Variants in FHIP2A observed in about 807,000 individuals in gnomAD.
FHIP2A encodes family with sequence similarity 160 member B1.
A neutral mutation model predicts 93.5 loss-of-function variants in FHIP2A; 46 were observed. That is an observed-to-expected ratio of 0.49 (90% CI 0.39 to 0.63). FHIP2A has a LOEUF of 0.63. Among genes scored for constraint, FHIP2A ranks in the 20% least tolerant of loss-of-function variants. The pLI is 0.00. For missense variants in FHIP2A, 769 were observed against 909.7 expected (o/e 0.85, Z 1.99); for synonymous variants, 332 against 326.5 (o/e 1.02, Z -0.18).
At chr10:114,828,310 CTCTG>C (rs1220580733) in intron 1 of FHIP2A, among the ~76,000 whole-genome samples, 53 of 152,294 alleles carry the variant, frequency 3.5e-4, no homozygotes, top group African/African-American at 1.1e-3. Context: ...ACTAAGACTT[CTCTG>C]TCTGGTGACC....
intron 13 of FHIP2A, among the ~76,000 whole-genome samples, chr10:114,851,407 G>C (rs1321020939): frequency 6.6e-6 from 1 of 152,024 alleles, no homozygotes; most frequent in Non-Finnish European, 1.5e-5. Context: ...ATAGTGTGAG[G>C]TGGGGTCCAG....
chr10:114,831,961 A>G (rs2083610576), intron 2 of FHIP2A, among the ~76,000 whole-genome samples: 1 of 152,196 alleles, frequency 6.6e-6, no homozygotes, highest in South Asian at 2.1e-4. Flanking sequence ...GCTTAGTGTT[A>G]TGGTTTTCTG....
rs1299218677 is a variant in FHIP2A, at chr10:114,855,338, C to T, written c.1945C>T (p.Gln649Ter). 6.2e-7 allele frequency: 1 copy of T among 1,609,540 alleles called. No individual in the cohort carries two copies. The highest frequency in any genetic ancestry group is 1.1e-5 in the South Asian group (1 of 90,150). ...CGACAGAATGGGAAGAATTCTTGAT[C>T]AGGTAATACATTTTAAAATACTAAT... ...LFDRMGRILDQPYDVNLQVTS... is the reference protein window; with the variant it reads ...LFDRMGRILD Residue 649 changes from glutamine to a stop codon, truncating the protein, a stop_gained and splice_region_variant, in exon 14 of 17, where the codon CAG (glutamine) becomes TAG (stop). Transcript: ENST00000369248. LOFTEE classifies it high-confidence loss of function.
rs145196079 is a variant in FHIP2A, at chr10:114,843,000, A to G, written c.590A>G (p.Gln197Arg). 1.1e-5 allele frequency: 17 copies of G among 1,613,480 alleles called. No homozygotes were observed. The highest frequency in any genetic ancestry group is 5.0e-5 in the Admixed American group (3 of 60,020). The change falls in exon 6 of 17, where the codon CAG becomes CGG. Residue 197 changes from glutamine (Q) to arginine (R), a missense_variant. Gln to Arg is a conservative substitution (Grantham distance 43). Transcript: ENST00000369248. The part of the protein sequence containing the change: ...NVISEDTLKG[Q>R]DSLSTDTGQS... ...ATTTCAGAAGATACATTAAAAGGTC[A>G]GGATTCCTTGTCAACAGATACAGGA...
intron 16 of FHIP2A, among the ~76,000 whole-genome samples, chr10:114,873,366 G>C (rs975415947): frequency 1.3e-5 from 2 of 152,200 alleles, no homozygotes; most frequent in African/African-American, 4.8e-5. Context: ...CTTATCAAGA[G>C]TACACACTGT....
intron 1 of FHIP2A, among the ~76,000 whole-genome samples, chr10:114,823,551 G>A (rs1032991976): frequency 3.3e-5 from 5 of 151,774 alleles, no homozygotes; most frequent in Non-Finnish European, 5.9e-5. Flanking sequence ...TTGGAGTGCA[G>A]GGGTGTGATC....
chr10:114,866,637 A>G (rs973325264), downstream of FHIP2A, among the ~76,000 whole-genome samples: 1 of 152,222 alleles, frequency 6.6e-6, no homozygotes, highest in Non-Finnish European at 1.5e-5. Flanking sequence ...GGTGCTAGGA[A>G]CACAAAAAAA....
intron 5 of FHIP2A, among the ~76,000 whole-genome samples, chr10:114,842,238 T>A (rs1197266720): frequency 6.6e-6 from 1 of 152,046 alleles, no homozygotes; most frequent in East Asian, 1.9e-4. Context: ...TTTTATTTTA[T>A]TTTTTTAGTA....
chr10:114,842,834 G>T, intron 5 of FHIP2A, 99 bp from the exon 6 acceptor site: 1 of 728,212 alleles, frequency 1.4e-6, no homozygotes, highest in Non-Finnish European at 2.3e-6. Flanking sequence ...TGCTACTTTG[G>T]CTAGGCATGT....
intron 16 of FHIP2A, among the ~76,000 whole-genome samples, chr10:114,871,926 A>G (rs1592029744): frequency 1.3e-5 from 2 of 152,288 alleles, no homozygotes; most frequent in East Asian, 3.9e-4. Context: ...AATATATTTT[A>G]TTGACTCAAC....
At chr10:114,879,871 G>A (rs1386266101) in intron 16 of FHIP2A, among the ~76,000 whole-genome samples, 1 of 152,160 alleles carries the variant, frequency 6.6e-6, no homozygotes, top group Non-Finnish European at 1.5e-5. Context: ...GTGTGCCCAG[G>A]CTGACTTGAG....
chr10:114,872,713 A>G (rs1040807565), intron 16 of FHIP2A, among the ~76,000 whole-genome samples: 5 of 152,242 alleles, frequency 3.3e-5, no homozygotes, highest in Middle Eastern at 3.2e-3. Flanking sequence ...ACTTGATTCC[A>G]TAGGCATTTC....
At chr10:114,895,266 A>G (rs1429355361) in intron 16 of FHIP2A, among the ~76,000 whole-genome samples, 1 of 152,240 alleles carries the variant, frequency 6.6e-6, no homozygotes, top group African/African-American at 2.4e-5. Context: ...ATTTCCCAAA[A>G]TGACTTGAAA....
At chr10:114,892,588 A>G (rs1167369522) in intron 16 of FHIP2A, among the ~76,000 whole-genome samples, 1 of 152,138 alleles carries the variant, frequency 6.6e-6, no homozygotes, top group East Asian at 1.9e-4. Context: ...CAGTGAGTGG[A>G]GACGGTGCCA....
intron 13 of FHIP2A, among the ~76,000 whole-genome samples, chr10:114,852,613 T>TTAC (rs2083743676): frequency 6.6e-6 from 1 of 152,194 alleles, no homozygotes. Flanking sequence ...GAATCCTAGT[T>TTAC]TACATCTTTA....
intron 3 of FHIP2A, among the ~76,000 whole-genome samples, chr10:114,834,256 C>T (rs1399645836): frequency 6.6e-6 from 1 of 152,162 alleles, no homozygotes; most frequent in Non-Finnish European, 1.5e-5. Flanking sequence ...TAAATTCACT[C>T]AATTTATGTT....
intron 1 of FHIP2A, among the ~76,000 whole-genome samples, chr10:114,825,334 T>G (rs576379886): frequency 2.8e-4 from 43 of 152,324 alleles, no homozygotes; most frequent in African/African-American, 1.0e-3. Flanking sequence ...GCCCAAATAG[T>G]TTTTTTAGTG....
chr10:114,855,651 A>C (rs1374179571), intron 14 of FHIP2A, among the ~76,000 whole-genome samples: 1 of 152,224 alleles, frequency 6.6e-6, no homozygotes. Context: ...TTAGCCTTTT[A>C]GTTAGTACAT....
chr10:114,888,247 G>A (rs772169210), intron 16 of FHIP2A, among the ~76,000 whole-genome samples: 5 of 152,208 alleles, frequency 3.3e-5, no homozygotes, highest in Non-Finnish European at 7.3e-5. Flanking sequence ...AACTCTGAGT[G>A]TACCGTTTGC....
Sources: allele counts gnomAD v4.1 joint callset (sites outside exome capture counted in the v4.1 genomes callset), GRCh38; gene constraint gnomAD v4.1.1; transcripts MANE v1.5; gene names NCBI Gene and HGNC (gene_info 2026-07-23, HGNC 2026-07-21).